Variants in SPOCK2 observed in about 807,000 individuals in gnomAD.
SPOCK2 encodes SPARC (osteonectin), cwcv and kazal like domains proteoglycan 2.
A neutral mutation model predicts 60.1 loss-of-function variants in SPOCK2; 39 were observed. The ratio of observed to expected loss-of-function variants is 0.65; its 90% CI spans 0.50 to 0.85. The LOEUF (loss-of-function observed/expected upper bound fraction) is 0.85, where lower values mean the gene tolerates loss of function less well. Among genes scored for constraint, SPOCK2 ranks in the 40% least tolerant of loss-of-function variants. SPOCK2 has a pLI of 0.00. For synonymous variants in SPOCK2, 217 were observed against 231.5 expected, an observed-to-expected ratio of 0.94 and a Z score of 0.57; for missense variants, 523 against 567.4, an observed-to-expected ratio of 0.92 and a Z score of 0.80.
At chr10:72,073,725 C>G (rs2131817074) in intron 1 of SPOCK2, among the ~76,000 whole-genome samples, 1 of 152,358 alleles carries the variant, frequency 6.6e-6, no homozygotes, top group Admixed American at 6.5e-5. Context: ...CCTTCTCACC[C>G]TGCTCCAGCT....
At chr10:72,073,896 T>A (rs1765712662) in intron 1 of SPOCK2, among the ~76,000 whole-genome samples, 1 of 152,196 alleles carries the variant, frequency 6.6e-6, no homozygotes, top group East Asian at 1.9e-4. Context: ...CCCAGGGCAC[T>A]CCTGGTGGAA....
intron 1 of SPOCK2, among the ~76,000 whole-genome samples, chr10:72,080,588 C>G (rs1005024619): frequency 2.0e-5 from 3 of 151,658 alleles, no homozygotes; most frequent in Non-Finnish European, 4.4e-5. Flanking sequence ...CCTGGGGAGG[C>G]AGTGTCCCTG....
At chr10:72,071,690 AG>A (rs1840648930) in intron 4 of SPOCK2, among the ~76,000 whole-genome samples, 1 of 152,222 alleles carries the variant, frequency 6.6e-6, no homozygotes, top group Non-Finnish European at 1.5e-5. Context: ...TGCATCCCAC[AG>A]GGTTTGGTAA....
At position 72,063,020 on chromosome 10, in the gene SPOCK2, C is replaced by T. The variant is rs759836753; in HGVS notation, c.1129+5G>A. Reference sequence around the variant, plus strand: ...CCAGCAGGCCCTGAGCTGCCCAGCCCGTACCGCAGTCGGGGCTCCCATGCG... The same window carrying T: ...CCAGCAGGCCCTGAGCTGCCCAGCCTGTACCGCAGTCGGGGCTCCCATGCG... On this transcript the variant is annotated splice_donor_5th_base_variant and intron_variant, in intron 10 of 10. Transcript: ENST00000373109. 4.5e-6 allele frequency: 7 copies of T among 1,560,188 alleles called. No homozygotes were observed. Among genetic ancestry groups the T allele is most frequent in the East Asian group, 2.4e-5 (1 of 41,658 alleles).
At position 72,072,893 on chromosome 10, in the gene SPOCK2, AG is replaced by A; in HGVS notation, c.198+8del. The A allele has an allele frequency of 6.4e-7, 1 of 1,554,474 alleles. No individual in the cohort carries two copies. Among genetic ancestry groups the A allele is most frequent in the Non-Finnish European group, 8.7e-7 (1 of 1,148,552 alleles). On this transcript the variant is annotated splice_region_variant and intron_variant, in intron 2 of 10. Transcript: ENST00000373109. ...GACCACACAGAGTGGGGTCCTGGGC[AG>A]TACTCACCTCCACTTCCTGGAGATC... is the stretch of plus-strand genomic sequence containing the variant.
chr10:72,073,223 G>A (rs888390671), intron 1 of SPOCK2, among the ~76,000 whole-genome samples: 54 of 152,190 alleles, frequency 3.5e-4, no homozygotes, highest in Non-Finnish European at 4.9e-4. Flanking sequence ...ACAGATGTCC[G>A]AGGTGCCCAT....
chr10:72,066,705 A>T, intron 8 of SPOCK2, among the ~76,000 whole-genome samples, 197 bp downstream of exon 8: 1 of 152,172 alleles, frequency 6.6e-6, no homozygotes, highest in South Asian at 2.1e-4. Flanking sequence ...CTGCCAAGGA[A>T]GGGAGCTGAA....
chr10:72,062,035 AC>A lies in SPOCK2; in HGVS notation c.*724del, dbSNP rs1259109811. ...GCTGCCCTCCTCCTCTGCCGCCACC[AC>A]CTTCATTCTCCGCCTTGGGTTAGGA... On this transcript the variant is annotated 3_prime_UTR_variant, in exon 11 of 11. Transcript: ENST00000373109. This position sits in a 1 kb window ranked among gnomAD's most constrained non-coding sequence, Gnocchi z 4.3. 6 of 153,224 alleles carry A rather than the reference AC, an allele frequency of 3.9e-5. No homozygotes were observed. In the South Asian group the frequency reaches 1.2e-3, roughly 32 times the overall value. The allele number at this position is 153,224 out of a possible 1,614,324, so 9.5% of individuals were successfully genotyped here.
At position 72,061,327 on chromosome 10, in the gene SPOCK2, C is replaced by T. The variant is rs1465412827; in HGVS notation, c.*1433G>A. On this transcript the variant is annotated 3_prime_UTR_variant, in exon 11 of 11. Coordinates refer to ENST00000373109, the MANE Select transcript of SPOCK2 (RefSeq NM_001244950.2). ...CTGTCCTGTTCCCTCTGACTTCTCA[C>T]TTTTCCACATTGCAGGCTTCAAAAC... 6.6e-6 allele frequency: 1 copy of T among 152,130 alleles called. No individual in the cohort carries two copies. Among genetic ancestry groups the T allele is most frequent in the Non-Finnish European group, 1.5e-5 (1 of 68,172 alleles). The allele number at this position is 152,130 out of a possible 1,614,324, so 9.4% of individuals were successfully genotyped here.
At position 72,062,537 on chromosome 10, in the gene SPOCK2, C is replaced by CCA. The variant is rs111643095; in HGVS notation, c.*221_*222dup. The CCA allele has an allele frequency of 3.6e-4, 270 of 752,400 alleles. No homozygotes were observed. The highest frequency in any genetic ancestry group is 1.4e-3 in the African/African-American group (78 of 55,088). 46.6% of individuals were successfully genotyped at this position (752,400 alleles called of 1,614,324 possible). ...TCAAGGACACATTTGTCAGCGCATG[C>CCA]CACACACACACACACATACACACAT... On this transcript the variant is annotated 3_prime_UTR_variant, in exon 11 of 11. Transcript: ENST00000373109. The surrounding 1 kb of genome is among the most constrained non-coding windows in gnomAD (Gnocchi z 4.3).
chr10:72,064,244 T>A lies in SPOCK2; in HGVS notation c.929-4A>T. The stretch of plus-strand genomic sequence containing the variant: ...AGCTCTGCCAGGCAGGGGGGCTCTG[T>A]GGGGAGAGAAGCAGCCTCTGATGGG... On this transcript the variant is annotated splice_polypyrimidine_tract_variant and splice_region_variant and intron_variant, in intron 8 of 10. Coordinates refer to ENST00000373109, the MANE Select transcript of SPOCK2 (RefSeq NM_001244950.2). 1 of 1,592,420 alleles carries A rather than the reference T, an allele frequency of 6.3e-7. No homozygotes were observed. The highest frequency in any genetic ancestry group is 8.5e-7 in the Non-Finnish European group (1 of 1,172,142).
intron 4 of SPOCK2, among the ~76,000 whole-genome samples, chr10:72,071,083 A>G (rs147121407): frequency 1.4e-3 from 214 of 152,186 alleles, no homozygotes; most frequent in African/African-American, 4.8e-3. Context: ...TTCATCTTCT[A>G]TGATTCAGGA....
intron 1 of SPOCK2, chr10:72,086,933 A>T: frequency 1.9e-6 from 3 of 1,551,634 alleles, no homozygotes. Flanking sequence ...CAGTTTAAGG[A>T]GAAAACGGGA....
chr10:72,074,276 G>A (rs755296617), intron 1 of SPOCK2, among the ~76,000 whole-genome samples: 1 of 152,134 alleles, frequency 6.6e-6, no homozygotes, highest in Non-Finnish European at 1.5e-5. Context: ...AGCAGGCAGG[G>A]TGAGGCCTCC....
intron 3 of SPOCK2, 21 bp downstream of exon 3, chr10:72,072,482 C>T: frequency 6.2e-7 from 1 of 1,613,862 alleles, no homozygotes; most frequent in Non-Finnish European, 8.5e-7. Context: ...TCACCTTCCC[C>T]CGCCGGGAGA....
At chr10:72,063,405 G>A (rs1282852466) in intron 9 of SPOCK2, among the ~76,000 whole-genome samples, 1 of 152,174 alleles carries the variant, frequency 6.6e-6, no homozygotes, top group African/African-American at 2.4e-5. Flanking sequence ...AGGCCCCTGT[G>A]CTAGCTCCCA....
At chr10:72,076,945 T>C (rs1034984732) in intron 1 of SPOCK2, among the ~76,000 whole-genome samples, 1 of 152,068 alleles carries the variant, frequency 6.6e-6, no homozygotes, top group Non-Finnish European at 1.5e-5. Flanking sequence ...GTCTCTCTCC[T>C]TAAGAGAGGA....
chr10:72,074,680 G>A (rs771296156), intron 1 of SPOCK2, among the ~76,000 whole-genome samples: 8 of 152,166 alleles, frequency 5.3e-5, no homozygotes, highest in Admixed American at 2.0e-4. Flanking sequence ...TGCCTCTTCC[G>A]CAGTGAGAGA....
intron 1 of SPOCK2, among the ~76,000 whole-genome samples, chr10:72,085,260 G>A (rs1052394314): frequency 2.0e-5 from 3 of 152,146 alleles, no homozygotes. Flanking sequence ...GAGCCAGGCG[G>A]AGTCCACAAT....
Sources: gnomAD v4.1 joint callset for allele counts (sites outside exome capture counted in the v4.1 genomes callset) on GRCh38, gnomAD v4.1.1 for gene constraint, Gnocchi (gnomAD v3.1) non-coding constraint, MANE v1.5 for transcripts, NCBI Gene and HGNC (gene_info 2026-07-23, HGNC 2026-07-21) for gene names.